Variants in IDH3B observed in about 807,000 individuals in gnomAD.
IDH3B encodes the protein isocitrate dehydrogenase (NAD(+)) 3 non-catalytic subunit beta.
Under a neutral mutation model 47.5 loss-of-function variants are expected in IDH3B, and 40 were observed. The observed-to-expected ratio is 0.84, with a 90% CI of 0.65 to 1.10. IDH3B has a LOEUF of 1.10. Among genes scored for constraint, IDH3B ranks in the 50% least tolerant of loss-of-function variants. The probability of loss-of-function intolerance (pLI) is 0.00; values close to 1 mark genes in which losing one functional copy is unlikely to be tolerated. For missense variants in IDH3B, 450 were observed against 505.2 expected, an observed-to-expected ratio of 0.89 and a Z score of 1.05; for synonymous variants, 185 against 191.0, an observed-to-expected ratio of 0.97 and a Z score of 0.26.
chr20:2,664,069 G>T (rs540790504), intron 1 of IDH3B, 64 bp from the exon 2 acceptor site: 1 of 1,610,400 alleles, frequency 6.2e-7, no homozygotes, highest in Non-Finnish European at 8.5e-7. Flanking sequence ...GAACACTACA[G>T]TTGACTTTGC....
chr20:2,658,584 C>T lies in IDH3B; in HGVS notation c.*167G>A, dbSNP rs550805876. 2 of 1,612,266 alleles carry T rather than the reference C, an allele frequency of 1.2e-6. No individual in the cohort carries two copies. The highest frequency in any genetic ancestry group is 1.3e-5 in the African/African-American group (1 of 75,020). ...GCTCCATCCTAACAATCCCCATCAC[C>T]ACCCAACAGTCTGTCCCCTAAGGAA... On this transcript the variant is annotated 3_prime_UTR_variant, in exon 12 of 12. Coordinates refer to ENST00000380843, the MANE Select transcript of IDH3B (RefSeq NM_006899.5).
intron 11 of IDH3B, chr20:2,659,146 GA>G: frequency 7.8e-7 from 1 of 1,274,162 alleles, no homozygotes; most frequent in Non-Finnish European, 9.7e-7. Flanking sequence ...CAGGTGGAAG[GA>G]AAGAATCACA....
Position 2,660,592 on chromosome 20 carries a change from T to C in IDH3B, c.532-2A>G. Reference sequence around the variant, plus strand: ...ACACTCAATCACACCCCTTGCACTCTGGGTAAGAAGAAAGCAGCAGCTAGG... The same window carrying C: ...ACACTCAATCACACCCCTTGCACTCCGGGTAAGAAGAAAGCAGCAGCTAGG... On this transcript the variant is annotated splice_acceptor_variant, in intron 6 of 11. Transcript: ENST00000380843. LOFTEE classifies it high-confidence loss of function. This position sits in a 1 kb window ranked among gnomAD's most constrained non-coding sequence, Gnocchi z 5.6. 1.9e-6 allele frequency: 3 copies of C among 1,614,062 alleles called. No individual in the cohort carries two copies. Among genetic ancestry groups the C allele is most frequent in the Non-Finnish European group, 2.5e-6 (3 of 1,180,018 alleles).
rs192146078 is a variant in IDH3B, at chr20:2,662,516, G to A, written c.337+930C>T. Among the ~76,000 whole-genome samples, 119 of 152,262 alleles carry A rather than the reference G, an allele frequency of 7.8e-4. 1 individual carries two copies. The highest frequency in any genetic ancestry group is 3.4e-3 in the Middle Eastern group (1 of 294). On this transcript the variant is annotated intron_variant, in intron 4 of 11. Transcript: ENST00000380843. ...AAATCAAATGAGGAGATTAAAGCGC[G>A]GAAGACAAAAGAAAAGGGGCAGCTA...
chr20:2,659,713 C>G lies in IDH3B; in HGVS notation c.996G>C (p.Met332Ile). ...PTAMLLSASN[M>I]LRHLNLEYHS... ...CCATGACCTACTTAAGATGCCGCAG[C>G]ATGTTGGAAGCCGACAGCAGCATGG... The change falls in exon 10 of 12, where the codon ATG becomes ATC. Residue 332 changes from methionine (M) to isoleucine (I), a missense_variant. Physicochemically the swap from Met to Ile is conservative, Grantham distance 10 (BLOSUM62 1). Transcript: ENST00000380843. 6.2e-7 allele frequency: 1 copy of G among 1,614,116 alleles called. No homozygotes were observed. Among genetic ancestry groups the G allele is most frequent in the Non-Finnish European group, 8.5e-7 (1 of 1,179,976 alleles).
rs1020347115 is a variant in IDH3B at position 2,663,866 on chromosome 20, A to T, written c.117+59T>A. The T allele has an allele frequency of 1.8e-5, 28 of 1,596,348 alleles. No homozygotes were observed. In the South Asian group the frequency reaches 1.8e-4, roughly 10 times the overall value. On this transcript the variant is annotated intron_variant, in intron 2 of 11. Coordinates refer to ENST00000380843, the MANE Select transcript of IDH3B (RefSeq NM_006899.5). ...GGGAGGGGTGGGGAAAAGCCAGGGG[A>T]GGGAGCAGCGAGGAAGGGACAGGGT...
intron 2 of IDH3B, 39 bp downstream of exon 2, chr20:2,663,886 C>T (rs563555532): frequency 1.2e-6 from 2 of 1,605,996 alleles, no homozygotes; most frequent in East Asian, 2.2e-5. Flanking sequence ...GAGGAAGGGA[C>T]AGGGTCGTAA....
rs753567721 is a variant in IDH3B, at chr20:2,660,290, T to C, written c.741A>G (p.Thr247=). The C allele has an allele frequency of 6.2e-7, 1 of 1,613,980 alleles. No individual in the cohort carries two copies. The highest frequency in any genetic ancestry group is 8.5e-7 in the Non-Finnish European group (1 of 1,180,026). Residue 247 remains threonine (T), a synonymous_variant, in exon 8 of 12, where the codon ACA becomes ACG. Coordinates refer to ENST00000380843, the MANE Select transcript of IDH3B (RefSeq NM_006899.5). The surrounding 1 kb of genome is among the most constrained non-coding windows in gnomAD (Gnocchi z 5.6). The part of the protein sequence containing the change: ...AELYPKIKFE[T]MIIDNCCMQL... ...GCATGCAGCAGTTGTCTATGATCAT[T>C]GTCTCAAATTTGATTTTGGGGTACA...
Position 2,664,170 on chromosome 20 carries a change from C to A in IDH3B, c.19G>T (p.Val7Phe), listed in dbSNP as rs562939418. The A allele has an allele frequency of 6.2e-7, 1 of 1,613,686 alleles. No homozygotes were observed. The highest frequency in any genetic ancestry group is 1.7e-5 in the Admixed American group (1 of 59,974). Residue 7 changes from valine (V) to phenylalanine (F), a missense_variant, in exon 1 of 12, where the codon GTC becomes TTC. By Grantham distance (50) the Val-to-Phe change is conservative. Coordinates refer to ENST00000380843, the MANE Select transcript of IDH3B (RefSeq NM_006899.5). MAALSG[V>F]RWLTRALVSA... is the part of the protein sequence containing the mutation. ...GGCCTCACTCGGGTCAGCCAGCGGA[C>A]TCCGCTCAATGCCGCCATGTTTCCC...
At chr20:2,659,617 C>G (rs367548986) in intron 10 of IDH3B, 32 bp from the exon 11 acceptor site, 37 of 1,611,710 alleles carry the variant, frequency 2.3e-5, no homozygotes, top group Non-Finnish European at 3.0e-5. Context: ...AACTGTGACT[C>G]CCCCAAGACA....
intron 4 of IDH3B, among the ~76,000 whole-genome samples, chr20:2,662,470 G>A (rs1169599143): frequency 1.3e-5 from 2 of 152,092 alleles, no homozygotes; most frequent in African/African-American, 2.4e-5. Flanking sequence ...TGAACTATAG[G>A]GGCAGAACTA....
chr20:2,659,475 C>A (rs2086895737), intron 11 of IDH3B, 50 bp downstream of exon 11: 2 of 1,595,214 alleles, frequency 1.3e-6, no homozygotes, highest in Non-Finnish European at 1.7e-6. Context: ...GAGGTGCTGA[C>A]ACCAGAACTA....
Position 2,660,601 on chromosome 20 carries a change from A to C in IDH3B, c.532-11T>G. On this transcript the variant is annotated splice_polypyrimidine_tract_variant and intron_variant, in intron 6 of 11. Transcript: ENST00000380843. The surrounding 1 kb of genome is among the most constrained non-coding windows in gnomAD (Gnocchi z 5.6). ...CACACCCCTTGCACTCTGGGTAAGAAGAAAGCAGCAGCTAGGTGACACTGG... is the reference window on the plus strand; with the variant it reads ...CACACCCCTTGCACTCTGGGTAAGACGAAAGCAGCAGCTAGGTGACACTGG... 6.2e-7 allele frequency: 1 copy of C among 1,614,162 alleles called. No homozygotes were observed. The highest frequency in any genetic ancestry group is 1.1e-5 in the South Asian group (1 of 91,078).
intron 3 of IDH3B, 26 bp downstream of exon 3, chr20:2,663,634 A>G (rs1029862245): frequency 6.2e-7 from 1 of 1,614,002 alleles, no homozygotes; most frequent in Non-Finnish European, 8.5e-7. Flanking sequence ...ACTGTCCTCT[A>G]CTGTCTGATC....
At chr20:2,662,614 T>G (rs951998023) in intron 4 of IDH3B, among the ~76,000 whole-genome samples, 8 of 151,902 alleles carry the variant, frequency 5.3e-5, no homozygotes, top group African/African-American at 1.9e-4. Context: ...AGGTCAAGAG[T>G]TCGAGACCAG....
chr20:2,660,382 G>A lies in IDH3B; in HGVS notation c.666-17C>T. The A allele has an allele frequency of 1.2e-6, 2 of 1,614,038 alleles. No homozygotes were observed. Among genetic ancestry groups the A allele is most frequent in the South Asian group, 2.2e-5 (2 of 91,068 alleles). ...CCAAGTTTCCTGTCCATGGGCCAAA[G>A]GGGACAGAATCAGCCAAGAAAGTAC... On this transcript the variant is annotated splice_polypyrimidine_tract_variant and intron_variant, in intron 7 of 11. Transcript: ENST00000380843. This position sits in a 1 kb window ranked among gnomAD's most constrained non-coding sequence, Gnocchi z 5.6.
intron 11 of IDH3B, chr20:2,659,235 G>A: frequency 1.4e-6 from 2 of 1,442,562 alleles, no homozygotes; most frequent in Non-Finnish European, 1.8e-6. Flanking sequence ...CCCCCAAGGA[G>A]AGCTGCAAGT....
In IDH3B at chr20:2,659,561, G is replaced by T; in HGVS notation, c.1035C>A (p.Ile345=). 1 of 1,614,180 alleles carries T rather than the reference G, an allele frequency of 6.2e-7. No individual in the cohort carries two copies. Among genetic ancestry groups the T allele is most frequent in the East Asian group, 2.2e-5 (1 of 44,886 alleles). The part of the protein sequence containing the change: ...HLNLEYHSSM[I]ADAVKKVIKV... ...TGATCACCTTCTTCACCGCATCTGC[G>T]ATCATGCTGGAGTGATACTCAAGAC... Residue 345 remains isoleucine (I), a synonymous_variant, in exon 11 of 12, where the codon ATC becomes ATA. Coordinates refer to ENST00000380843, the MANE Select transcript of IDH3B (RefSeq NM_006899.5).
Position 2,663,696 on chromosome 20 carries a change from C to T in IDH3B, c.180G>A (p.Gly60=). ...CCTTGACGGCGTGCATCAGCTCAGG[C>T]CCCACACCGTCTCCCGGAAGCATGG... ...PVTMLPGDGV[G]PELMHAVKEV... The change falls in exon 3 of 12, where the codon GGG becomes GGA. Residue 60 remains glycine (G), a synonymous_variant. Transcript: ENST00000380843. 6.2e-7 allele frequency: 1 copy of T among 1,614,182 alleles called. No homozygotes were observed. The highest frequency in any genetic ancestry group is 1.1e-5 in the South Asian group (1 of 91,080).
Sources: allele counts gnomAD v4.1 joint callset (sites outside exome capture counted in the v4.1 genomes callset), GRCh38; gene constraint gnomAD v4.1.1; non-coding constraint Gnocchi (gnomAD v3.1); transcripts MANE v1.5; gene names NCBI Gene and HGNC (gene_info 2026-07-23, HGNC 2026-07-21).